The following TEX2 variants were observed in gnomAD, a reference collection of about 807,000 sequenced individuals.
TEX2 encodes testis-expressed protein 2.
A neutral mutation model predicts 106.9 loss-of-function variants in TEX2; 53 were observed. The ratio of observed to expected loss-of-function variants is 0.50; its 90% CI spans 0.40 to 0.62. The LOEUF (loss-of-function observed/expected upper bound fraction) is 0.62, where lower values mean the gene tolerates loss of function less well. TEX2 is among the 20% of genes least tolerant of loss of function. The probability of loss-of-function intolerance (pLI) is 0.00; values close to 1 mark genes in which losing one functional copy is unlikely to be tolerated. For missense variants in TEX2, 1,207 were observed against 1,379.0 expected (o/e 0.88, Z 1.98); for synonymous variants, 523 against 534.8 (o/e 0.98, Z 0.30).
At chr17:64,236,668 T>A (rs2033775160) in intron 1 of TEX2, among the ~76,000 whole-genome samples, 1 of 152,170 alleles carries the variant, frequency 6.6e-6, no homozygotes, top group African/African-American at 2.4e-5. Flanking sequence ...CTAGAACTAA[T>A]CTCCTATGGA....
intron 2 of TEX2, among the ~76,000 whole-genome samples, chr17:64,197,996 A>C (rs1555629584): frequency 6.6e-6 from 1 of 152,204 alleles, no homozygotes; most frequent in African/African-American, 2.4e-5. Context: ...CTTTAGGCCC[A>C]CAGGCTGTTT....
At chr17:64,206,204 G>A (rs2032824155) in intron 2 of TEX2, among the ~76,000 whole-genome samples, 2 of 152,132 alleles carry the variant, frequency 1.3e-5, no homozygotes. Flanking sequence ...CATCTAGACA[G>A]TCACCCAACA....
chr17:64,194,115 C>T (rs938185779), intron 3 of TEX2, among the ~76,000 whole-genome samples: 1 of 151,936 alleles, frequency 6.6e-6, no homozygotes, highest in African/African-American at 2.4e-5. Context: ...AATAATTTTG[C>T]GAGAGTTATA....
At position 64,148,705 on chromosome 17, in the gene TEX2, A is replaced by C; in HGVS notation, c.*264T>G. 2.5e-6 allele frequency: 1 copy of C among 407,270 alleles called. No individual in the cohort carries two copies. The highest frequency in any genetic ancestry group is 3.9e-5 in the South Asian group (1 of 25,886). 25.2% of individuals were successfully genotyped at this position (407,270 alleles called of 1,614,324 possible). A position where few individuals can be genotyped will look rare whatever the true frequency, so the allele number is the denominator to read the frequency against. On this transcript the variant is annotated 3_prime_UTR_variant, in exon 12 of 12. Coordinates refer to ENST00000584379, the MANE Select transcript of TEX2 (RefSeq NM_001288732.2). ...ACTTTTAAAAGCCATGGTGTGGGTC[A>C]CGTATAACTTCTGGATCCACCATGA...
chr17:64,210,601 T>C (rs1217265961), intron 2 of TEX2, among the ~76,000 whole-genome samples: 1 of 148,680 alleles, frequency 6.7e-6, no homozygotes, highest in Non-Finnish European at 1.5e-5. Context: ...AAATATTATT[T>C]TGGATCCTAA....
intron 1 of TEX2, among the ~76,000 whole-genome samples, chr17:64,241,449 T>A (rs1250354528): frequency 6.6e-6 from 1 of 152,118 alleles, no homozygotes; most frequent in Non-Finnish European, 1.5e-5. Flanking sequence ...CAAACAAATC[T>A]ATCAAAATCT....
intron 5 of TEX2, 76 bp downstream of exon 5, chr17:64,188,092 C>T: frequency 6.6e-7 from 1 of 1,526,386 alleles, no homozygotes; most frequent in Non-Finnish European, 8.8e-7. Context: ...CACAACAGGG[C>T]TTCGGAGCAC....
intron 8 of TEX2, among the ~76,000 whole-genome samples, chr17:64,158,034 G>A (rs2030711640): frequency 6.6e-6 from 1 of 152,222 alleles, no homozygotes; most frequent in Admixed American, 6.5e-5. Context: ...AGGCTGCTCA[G>A]GTTACTATCT....
chr17:64,241,886 G>A (rs2143410500), intron 1 of TEX2, among the ~76,000 whole-genome samples: 1 of 152,242 alleles, frequency 6.6e-6, no homozygotes, highest in East Asian at 1.9e-4. Flanking sequence ...TCCTGCCTCA[G>A]CCTCCCAAAG....
rs1179030720 is a variant in TEX2, at chr17:64,147,519, G to C, written c.*1450C>G. 6.6e-6 allele frequency: 1 copy of C among 152,264 alleles called. No homozygotes were observed. Among genetic ancestry groups the C allele is most frequent in the Non-Finnish European group, 1.5e-5 (1 of 68,034 alleles). The allele number at this position is 152,264 out of a possible 1,614,324, so 9.4% of individuals were successfully genotyped here. A position where few individuals can be genotyped will look rare whatever the true frequency, so the allele number is the denominator to read the frequency against. On this transcript the variant is annotated 3_prime_UTR_variant, in exon 12 of 12. Transcript: ENST00000584379. ...CATACTATTTGATTAAGTGCAACATGGTACAGTCATGTGTAATCTCTTTAC... is the reference window on the plus strand; with the variant it reads ...CATACTATTTGATTAAGTGCAACATCGTACAGTCATGTGTAATCTCTTTAC...
chr17:64,206,293 G>A (rs2032827064), intron 2 of TEX2, among the ~76,000 whole-genome samples: 1 of 152,162 alleles, frequency 6.6e-6, no homozygotes, highest in Admixed American at 6.5e-5. Context: ...GAGGCTCTTT[G>A]CCTTGAGCTA....
At chr17:64,238,410 G>A (rs894190610) in intron 1 of TEX2, among the ~76,000 whole-genome samples, 2 of 152,166 alleles carry the variant, frequency 1.3e-5, no homozygotes, top group African/African-American at 4.8e-5. Flanking sequence ...TACTATTCAA[G>A]ATAAAAATTA....
rs62073144 is a variant in TEX2, at chr17:64,172,347, C to T, written c.2572-1148G>A. On this transcript the variant is annotated intron_variant, in intron 6 of 11. Transcript: ENST00000584379. ...CAGCCTGGGTGACAGAGCGAGAATC[C>T]GTCTCAAAAAAAAAAAAAAGAAAAA... Among the ~76,000 whole-genome samples, 568 of 102,472 alleles carry T rather than the reference C, an allele frequency of 5.5e-3. 5 individuals are homozygous for T. Among genetic ancestry groups the T allele is most frequent in the Non-Finnish European group, 8.7e-3 (432 of 49,784 alleles). 67.2% of individuals were successfully genotyped at this position (102,472 alleles called of 152,430 possible). A position where few individuals can be genotyped will look rare whatever the true frequency, so the allele number is the denominator to read the frequency against.
chr17:64,171,059 G>GA, intron 7 of TEX2, 41 bp downstream of exon 7: 1 of 1,499,900 alleles, frequency 6.7e-7, no homozygotes. Context: ...TGCAGCAAAG[G>GA]ATATATTTTA....
intron 2 of TEX2, among the ~76,000 whole-genome samples, chr17:64,203,051 T>C (rs2032720020): frequency 6.6e-6 from 1 of 152,244 alleles, no homozygotes; most frequent in Admixed American, 6.5e-5. Flanking sequence ...GATTAAAAGC[T>C]ACAATTAACC....
At chr17:64,188,037 G>C (rs1249164149) in intron 5 of TEX2, 131 bp downstream of exon 5, 8 of 1,043,580 alleles carry the variant, frequency 7.7e-6, no homozygotes, top group Non-Finnish European at 9.6e-6. Flanking sequence ...GTTCCCCAAA[G>C]GCAGGGTCCT....
intron 7 of TEX2, among the ~76,000 whole-genome samples, chr17:64,169,603 T>A (rs923737518): frequency 2.0e-5 from 3 of 152,210 alleles, no homozygotes; most frequent in African/African-American, 7.2e-5. Flanking sequence ...ATGGATGGGT[T>A]GTCCACTGAA....
chr17:64,168,155 C>T (rs774269046), intron 7 of TEX2, among the ~76,000 whole-genome samples: 52 of 152,290 alleles, frequency 3.4e-4, no homozygotes, highest in Middle Eastern at 3.4e-3. Context: ...CTCTGCTTTT[C>T]AGAGTCAGTT....
rs937391194 is a variant in TEX2, at chr17:64,154,855, G to A, written c.2917C>T (p.Pro973Ser). The change falls in exon 9 of 12, where the codon CCA becomes TCA. Residue 973 changes from proline to serine, a missense_variant. This residue lies in a region of TEX2 where 1,067 missense variants were observed against 1,193.6 expected (regional missense o/e 0.89). Transcript: ENST00000584379. ...EPSGGDKQLL[P>S]GAEGYVGGHR... ...TGATCCACTCACCCTTCAGCCCCTG[G>A]GAGGAGCTGTTTGTCTCCCCCGCTG... is the stretch of plus-strand genomic sequence containing the variant. The A allele has an allele frequency of 3.1e-6, 5 of 1,605,610 alleles. No homozygotes were observed. The highest frequency in any genetic ancestry group is 4.3e-6 in the Non-Finnish European group (5 of 1,176,326).
Sources: allele counts gnomAD v4.1 joint callset (sites outside exome capture counted in the v4.1 genomes callset), GRCh38; gene constraint gnomAD v4.1.1; regional missense constraint gnomAD v4.1.1; transcripts MANE v1.5; gene names NCBI Gene and HGNC (gene_info 2026-07-23, HGNC 2026-07-21).